Variants in UST observed in about 807,000 individuals in gnomAD.
The protein encoded by UST is chondroitin sulfate 2-O-sulfotransferase.
Under a neutral mutation model 45.6 loss-of-function variants are expected in UST, and 21 were observed. The observed-to-expected ratio is 0.46, with a 90% confidence interval of 0.33 to 0.66. The LOEUF (loss-of-function observed/expected upper bound fraction) is 0.66. Ranked by LOEUF, UST falls within the 30% of genes least tolerant of loss-of-function variation. The pLI is 0.02. For synonymous variants in UST, 215 were observed against 200.6 expected (o/e 1.07, Z -0.61); for missense variants, 463 against 512.4 (o/e 0.90, Z 0.93).
At chr6:148,801,650 C>T (rs1777059180) in intron 1 of UST, among the ~76,000 whole-genome samples, 1 of 152,138 alleles carries the variant, frequency 6.6e-6, no homozygotes, top group Non-Finnish European at 1.5e-5. Context: ...CTTTGGCCAT[C>T]AACTTCCAAG....
intron 7 of UST, among the ~76,000 whole-genome samples, chr6:149,052,576 C>T (rs1776503631): frequency 1.4e-5 from 2 of 138,182 alleles, no homozygotes; most frequent in African/African-American, 5.8e-5. Flanking sequence ...ACCCCGTGCT[C>T]GTAAGCTCTT....
At position 149,021,376 on chromosome 6, in the gene UST, T is replaced by C; in HGVS notation, c.832T>C (p.Phe278Leu). Residue 278 changes from phenylalanine to leucine, a missense_variant, in exon 7 of 8, where the codon TTC (phenylalanine) becomes CTC (leucine). Phe to Leu is a conservative substitution (Grantham distance 22). Around this residue, in one of 2 missense-constraint regions of UST, gnomAD observed 287 missense variants for 374.2 expected, o/e 0.77. Transcript: ENST00000367463. ...AGCAAAGCTGAACGTGAATGAAAACTTCCTGCTCGTGGGGATTCTTGAAGA... is the reference window on the plus strand; with the variant it reads ...AGCAAAGCTGAACGTGAATGAAAACCTCCTGCTCGTGGGGATTCTTGAAGA... ...ERAKLNVNEN[F>L]LLVGILEELE... The C allele has an allele frequency of 6.2e-7, 1 of 1,614,186 alleles. No individual in the cohort carries two copies. Among genetic ancestry groups the C allele is most frequent in the Non-Finnish European group, 8.5e-7 (1 of 1,180,018 alleles).
chr6:148,829,371 C>T (rs1777640205), intron 1 of UST, among the ~76,000 whole-genome samples: 1 of 152,202 alleles, frequency 6.6e-6, no homozygotes, highest in East Asian at 1.9e-4. Context: ...ATGACCCTCT[C>T]TAGGCCCAAC....
At chr6:149,048,539 A>C (rs1776426377) in intron 7 of UST, among the ~76,000 whole-genome samples, 1 of 151,952 alleles carries the variant, frequency 6.6e-6, no homozygotes, top group South Asian at 2.1e-4. Flanking sequence ...GTCTCCAAAA[A>C]AAAAAAAAAG....
intron 1 of UST, among the ~76,000 whole-genome samples, chr6:148,876,152 G>A (rs1778646934): frequency 6.6e-6 from 1 of 152,126 alleles, no homozygotes; most frequent in East Asian, 1.9e-4. Flanking sequence ...GGCAGAAGGC[G>A]AAGGGAGAGC....
intron 1 of UST, among the ~76,000 whole-genome samples, chr6:148,754,242 C>T (rs113889283): frequency 3.9e-4 from 60 of 152,164 alleles, no homozygotes; most frequent in African/African-American, 1.3e-3. Flanking sequence ...GTGATTCGCC[C>T]GCCTCGGCCT....
intron 1 of UST, among the ~76,000 whole-genome samples, chr6:148,760,253 A>C (rs932620801): frequency 1.3e-5 from 2 of 152,196 alleles, no homozygotes; most frequent in Admixed American, 6.5e-5. Flanking sequence ...AAGTCCTAAG[A>C]GAGAAGAAGC....
rs1777317816 is a variant in UST at position 148,814,392 on chromosome 6, C to G, written c.247+66715C>G. ...GTGTTTGATTTAAAAGGAAACACAC[C>G]AGTTATGCCTTCTTGTAGGGGCATG... On this transcript the variant is annotated intron_variant, in intron 1 of 7. Transcript: ENST00000367463. 2.0e-5 allele frequency among the ~76,000 whole-genome samples: 3 copies of G among 152,024 alleles called. No individual in the cohort carries two copies. In the South Asian group the frequency reaches 6.2e-4, roughly 32 times the overall value.
chr6:148,986,859 G>A (rs1351210715), intron 5 of UST, among the ~76,000 whole-genome samples: 1 of 152,226 alleles, frequency 6.6e-6, no homozygotes, highest in Non-Finnish European at 1.5e-5. Context: ...GACAGAGAGT[G>A]CAATCACTTT....
At chr6:148,910,367 C>T (rs190695967) in intron 2 of UST, among the ~76,000 whole-genome samples, 36 of 152,062 alleles carry the variant, frequency 2.4e-4, no homozygotes, top group African/African-American at 8.0e-4. Context: ...CTCAAACTCC[C>T]GACCTCAGGT....
intron 4 of UST, among the ~76,000 whole-genome samples, chr6:148,957,321 C>T (rs1780535557): frequency 6.6e-6 from 1 of 152,168 alleles, no homozygotes; most frequent in Non-Finnish European, 1.5e-5. Flanking sequence ...ACTCATAGAA[C>T]ATGGGACATT....
At chr6:149,038,034 C>T (rs1582971111) in intron 7 of UST, among the ~76,000 whole-genome samples, 1 of 152,120 alleles carries the variant, frequency 6.6e-6, no homozygotes, top group Non-Finnish European at 1.5e-5. Context: ...TGGCCAGACG[C>T]CCAAACCTAA....
chr6:148,824,990 C>A (rs1180817664), intron 1 of UST, among the ~76,000 whole-genome samples: 2 of 151,264 alleles, frequency 1.3e-5, no homozygotes, highest in Non-Finnish European at 2.9e-5. Flanking sequence ...TCATCCATGT[C>A]CCTACAAAGG....
chr6:148,878,478 A>C, intron 1 of UST, among the ~76,000 whole-genome samples: 1 of 84,744 alleles, frequency 1.2e-5, no homozygotes, highest in Non-Finnish European at 2.2e-5. Context: ...GAGTGTGGGT[A>C]TCGTGTATGA....
intron 5 of UST, among the ~76,000 whole-genome samples, chr6:148,979,065 C>A (rs922591597): frequency 1.3e-5 from 2 of 152,082 alleles, no homozygotes; most frequent in African/African-American, 4.8e-5. Context: ...CATATTAACA[C>A]CCCTCGGCCC....
At chr6:148,758,911 A>C (rs1776148571) in intron 1 of UST, among the ~76,000 whole-genome samples, 1 of 152,240 alleles carries the variant, frequency 6.6e-6, no homozygotes, top group South Asian at 2.1e-4. Context: ...TTCCTGCTTT[A>C]ACACAAAGGC....
intron 2 of UST, among the ~76,000 whole-genome samples, chr6:148,939,468 A>G (rs1418222531): frequency 1.3e-5 from 2 of 152,218 alleles, no homozygotes; most frequent in African/African-American, 4.8e-5. Flanking sequence ...GAACAAAGCT[A>G]TAATAAGACT....
At chr6:148,848,088 G>C (rs1197761821) in intron 1 of UST, among the ~76,000 whole-genome samples, 2 of 152,084 alleles carry the variant, frequency 1.3e-5, no homozygotes, top group African/African-American at 4.8e-5. Context: ...AAAATCTTAG[G>C]GTCATATAAA....
chr6:148,953,965 C>T lies in UST; in HGVS notation c.527+14C>T, dbSNP rs758461673. The T allele has an allele frequency of 1.3e-6, 2 of 1,578,646 alleles. No individual in the cohort carries two copies. Among genetic ancestry groups the T allele is most frequent in the Non-Finnish European group, 1.7e-6 (2 of 1,157,510 alleles). On this transcript the variant is annotated intron_variant, in intron 4 of 7. Transcript: ENST00000367463. ...CAACTTCTCAAGGTAAGACATTTTC[C>T]AGTTTAATGGTTCTTTCATTTTCTT...
Sources: allele counts gnomAD v4.1 joint callset (sites outside exome capture counted in the v4.1 genomes callset), GRCh38; gene constraint gnomAD v4.1.1; regional missense constraint gnomAD v4.1.1; transcripts MANE v1.5; gene names NCBI Gene and HGNC (gene_info 2026-07-23, HGNC 2026-07-21).